Variants in WDR43 observed in about 807,000 individuals in gnomAD.
WDR43 encodes the protein WD repeat domain 43, also known as WD repeat-containing protein 43.
In WDR43, 13 loss-of-function variants were observed where a neutral mutation model predicts 91.4. That is an observed-to-expected ratio of 0.14 (90% CI 0.09 to 0.23). The LOEUF is 0.23. WDR43 is among the 10% of genes least tolerant of loss of function. The pLI is 1.00. For synonymous variants in WDR43, 331 were observed against 287.9 expected, an observed-to-expected ratio of 1.15 and a Z score of -1.51; for missense variants, 780 against 809.4, an observed-to-expected ratio of 0.96 and a Z score of 0.44.
chr2:28,926,495 T>C lies in WDR43; in HGVS notation c.1114T>C (p.Cys372Arg). 6.3e-7 allele frequency: 1 copy of C among 1,597,318 alleles called. No individual in the cohort carries two copies. The highest frequency in any genetic ancestry group is 8.5e-7 in the Non-Finnish European group (1 of 1,170,842). ...TTTAAACTCCAGAGAACCTCATATG[T>C]GTTTAGTAAGAGATATTTCAAACTG... ...VALNSREPHM[C>R]LVRDISNCWA... The change falls in exon 9 of 18, where the codon TGT (cysteine) becomes CGT (arginine). Residue 372 changes from cysteine (C) to arginine (R), a missense_variant. Around this residue, in one of 4 missense-constraint regions of WDR43, gnomAD observed 426 missense variants for 467.8 expected, o/e 0.91. Coordinates refer to ENST00000407426, the MANE Select transcript of WDR43 (RefSeq NM_015131.3).
At position 28,941,339 on chromosome 2, in the gene WDR43, G is replaced by A. The variant is rs143457534; in HGVS notation, c.1621-122G>A. Reference sequence around the variant, plus strand: ...ATGTTGCAGGTAGCCACTGCCACTGGGAGTACTTGTAAGCAGATGTGTGTG... The same window carrying A: ...ATGTTGCAGGTAGCCACTGCCACTGAGAGTACTTGTAAGCAGATGTGTGTG... On this transcript the variant is annotated intron_variant, in intron 14 of 17. Transcript: ENST00000407426. 255 of 638,506 alleles carry A rather than the reference G, an allele frequency of 4.0e-4. 1 individual carries two copies. Among genetic ancestry groups the A allele is most frequent in the African/African-American group, 2.7e-3 (149 of 54,390 alleles). The allele number at this position is 638,506 out of a possible 1,614,324, so 39.6% of individuals were successfully genotyped here.
Position 28,926,550 on chromosome 2 carries a change from C to T in WDR43, c.1169C>T (p.Thr390Ile), listed in dbSNP as rs1671147222. The change falls in exon 9 of 18, where the codon ACA (threonine) becomes ATA (isoleucine). Residue 390 changes from threonine (T) to isoleucine (I), a missense_variant. This residue lies in a region of WDR43 where 426 missense variants were observed against 467.8 expected (regional missense o/e 0.91). Transcript: ENST00000407426. ...CWAPKVETAI[T>I]KVRTPVMNSE... The stretch of plus-strand genomic sequence containing the variant: ...GCCCCCAAAGTAGAAACAGCTATAA[C>T]AAAGGTGAGCACATTACAAATTTGA... 2 of 1,588,026 alleles carry T rather than the reference C, an allele frequency of 1.3e-6. No individual in the cohort carries two copies. Among genetic ancestry groups the T allele is most frequent in the African/African-American group, 1.3e-5 (1 of 74,274 alleles).
At position 28,936,567 on chromosome 2, in the gene WDR43, T is replaced by G. The variant is rs1335661082; in HGVS notation, c.1525-355T>G. Among the ~76,000 whole-genome samples, 4 of 152,282 alleles carry G rather than the reference T, an allele frequency of 2.6e-5. No individual in the cohort carries two copies. The East Asian group carries it at 7.7e-4, about 29-fold the overall frequency. ...AATTTAACTCTTTTAAAGTATACAT[T>G]TTAGTGTTTTTCAGTATGTTTGCAA... On this transcript the variant is annotated intron_variant, in intron 12 of 17. Coordinates refer to ENST00000407426, the MANE Select transcript of WDR43 (RefSeq NM_015131.3).
chr2:28,934,416 A>T (rs550057981), intron 11 of WDR43, among the ~76,000 whole-genome samples: 1 of 152,264 alleles, frequency 6.6e-6, no homozygotes, highest in Non-Finnish European at 1.5e-5. Flanking sequence ...TATGGTGTTT[A>T]TTACGCTTCA....
At chr2:28,900,480 C>A (rs544872259) in intron 1 of WDR43, among the ~76,000 whole-genome samples, 3 of 152,314 alleles carry the variant, frequency 2.0e-5, no homozygotes, top group South Asian at 4.1e-4. Context: ...CCACACTCAG[C>A]CTTCTTGGAA....
At chr2:28,926,210 C>A (rs1671137607) in intron 8 of WDR43, among the ~76,000 whole-genome samples, 1 of 152,132 alleles carries the variant, frequency 6.6e-6, no homozygotes. Flanking sequence ...GTGAAAAATT[C>A]AAGCAGTTCA....
chr2:28,929,741 A>AC, intron 11 of WDR43, 31 bp downstream of exon 11: 1 of 1,597,432 alleles, frequency 6.3e-7, no homozygotes, highest in Non-Finnish European at 8.6e-7. Context: ...AACTAAATTA[A>AC]CATGGTTAAT....
chr2:28,911,468 G>C (rs1670799159), intron 3 of WDR43, among the ~76,000 whole-genome samples: 1 of 151,370 alleles, frequency 6.6e-6, no homozygotes, highest in Non-Finnish European at 1.5e-5. Flanking sequence ...TAATTTTTTT[G>C]AATTTTTAGT....
rs1191961227 is a variant in WDR43 at position 28,926,509 on chromosome 2, T to G, written c.1128T>G (p.Asp376Glu). ...SREPHMCLVR[D>E]ISNCWAPKVE... ...AACCTCATATGTGTTTAGTAAGAGA[T>G]ATTTCAAACTGCTGGGCCCCCAAAG... The change falls in exon 9 of 18, where the codon GAT becomes GAG. Residue 376 changes from aspartate to glutamate, a missense_variant. By Grantham distance (45) the Asp-to-Glu change is conservative. Coordinates refer to ENST00000407426, the MANE Select transcript of WDR43 (RefSeq NM_015131.3). The G allele has an allele frequency of 6.2e-7, 1 of 1,600,620 alleles. No individual in the cohort carries two copies. Among genetic ancestry groups the G allele is most frequent in the Non-Finnish European group, 8.5e-7 (1 of 1,172,776 alleles).
intron 2 of WDR43, 123 bp downstream of exon 2, chr2:28,902,247 T>C (rs1241725758): frequency 6.1e-6 from 6 of 980,844 alleles, no homozygotes; most frequent in Non-Finnish European, 8.6e-6. Context: ...GTTTTCAGTC[T>C]CATCTACGTT....
intron 7 of WDR43, among the ~76,000 whole-genome samples, chr2:28,923,995 G>C (rs1671083089): frequency 1.3e-5 from 2 of 152,166 alleles, no homozygotes; most frequent in South Asian, 4.1e-4. Context: ...CCTGGGTTTA[G>C]AGATAGTTGT....
chr2:28,929,786 A>G (rs1572598208), intron 11 of WDR43, 76 bp downstream of exon 11: 3 of 1,436,804 alleles, frequency 2.1e-6, no homozygotes, highest in East Asian at 4.7e-5. Context: ...GCACATTCAC[A>G]GCTGTGAGCC....
intron 1 of WDR43, among the ~76,000 whole-genome samples, chr2:28,901,393 C>G (rs1008755402): frequency 1.3e-5 from 2 of 152,180 alleles, no homozygotes; most frequent in African/African-American, 4.8e-5. Context: ...CTGAGCCAGC[C>G]CTTGACCAGT....
At chr2:28,938,792 C>T (rs1351381959) in intron 14 of WDR43, among the ~76,000 whole-genome samples, 3 of 152,142 alleles carry the variant, frequency 2.0e-5, no homozygotes, top group Admixed American at 6.5e-5. Flanking sequence ...GCAGTTTGTT[C>T]TTTGTGTGTT....
In WDR43 at chr2:28,946,616, A is replaced by G; in HGVS notation, c.1871A>G (p.Asp624Gly). The change falls in exon 18 of 18, where the codon GAT becomes GGT. Residue 624 changes from aspartate (D) to glycine (G), a missense_variant. Asp to Gly is a moderately conservative substitution (Grantham distance 94, BLOSUM62 -1). Coordinates refer to ENST00000407426, the MANE Select transcript of WDR43 (RefSeq NM_015131.3). The part of the protein sequence containing the change: ...DKDSEDNWDE[D>G]EEESESEKDE... ...TTCGACTAGGATAATTGGGATGAAG[A>G]TGAGGAGGAGAGTGAAAGTGAAAAA... 6.4e-7 allele frequency: 1 copy of G among 1,558,036 alleles called. No individual in the cohort carries two copies. The highest frequency in any genetic ancestry group is 8.7e-7 in the Non-Finnish European group (1 of 1,150,200).
intron 11 of WDR43, among the ~76,000 whole-genome samples, chr2:28,932,954 C>T (rs1011314009): frequency 6.6e-6 from 1 of 152,152 alleles, no homozygotes; most frequent in Admixed American, 6.5e-5. Context: ...TGTCTCTACA[C>T]TGAAAATTAT....
At chr2:28,909,556 C>T (rs1670750052) in intron 3 of WDR43, among the ~76,000 whole-genome samples, 1 of 152,070 alleles carries the variant, frequency 6.6e-6, no homozygotes, top group Non-Finnish European at 1.5e-5. Context: ...CTGCCTGTTG[C>T]TATTTGGAAA....
intron 1 of WDR43, among the ~76,000 whole-genome samples, chr2:28,898,634 T>A (rs12989765): frequency 0.16 from 23,720 of 152,092 alleles, 2,334 homozygotes; most frequent in Non-Finnish European, 0.22. Context: ...AGTTCAGTAT[T>A]TCTCAGAGCA....
intron 5 of WDR43, among the ~76,000 whole-genome samples, chr2:28,915,119 A>C (rs923147041): frequency 6.6e-6 from 1 of 152,166 alleles, no homozygotes; most frequent in African/African-American, 2.4e-5. Context: ...AATTTATACA[A>C]GATAATACTC....
Sources: gnomAD v4.1 joint callset for allele counts (sites outside exome capture counted in the v4.1 genomes callset) on GRCh38, gnomAD v4.1.1 for gene constraint, gnomAD v4.1.1 regional missense constraint, MANE v1.5 for transcripts, NCBI Gene and HGNC (gene_info 2026-07-23, HGNC 2026-07-21) for gene names.